The following UTRN variants were observed in gnomAD, a reference collection of about 807,000 sequenced individuals.
UTRN encodes the protein utrophin, also known as dystrophin-related protein 1.
In UTRN, 283 loss-of-function variants were observed where a neutral mutation model predicts 463.9. That is an observed-to-expected ratio of 0.61 (90% CI 0.55 to 0.67). The LOEUF (loss-of-function observed/expected upper bound fraction) is 0.67, where lower values mean the gene tolerates loss of function less well. UTRN is among the 30% of genes least tolerant of loss of function. UTRN has a pLI of 0.00. For missense variants in UTRN, 3,922 were observed against 4,084.3 expected (o/e 0.96, Z 1.08); for synonymous variants, 1,442 against 1,431.5 (o/e 1.01, Z -0.17).
At chr6:144,611,611 G>GCAA (rs139343881) in intron 51 of UTRN, among the ~76,000 whole-genome samples, 23,413 of 151,980 alleles carry the variant, frequency 0.15, 1,991 homozygotes, top group South Asian at 0.27. Flanking sequence ...ATTTACAGTA[G>GCAA]CAACAACAAC....
intron 53 of UTRN, among the ~76,000 whole-genome samples, chr6:144,711,997 G>A (rs1007195869): frequency 6.6e-6 from 1 of 152,126 alleles, no homozygotes; most frequent in African/African-American, 2.4e-5. Context: ...GCACACGTAG[G>A]TGTGGTAGAA....
At chr6:144,411,510 A>G (rs1388678624) in intron 3 of UTRN, among the ~76,000 whole-genome samples, 1 of 152,156 alleles carries the variant, frequency 6.6e-6, no homozygotes, top group East Asian at 1.9e-4. Context: ...TGAGCCCCAC[A>G]GTGGTTTCTT....
intron 2 of UTRN, among the ~76,000 whole-genome samples, chr6:144,343,359 A>G (rs1475123288): frequency 7.8e-6 from 1 of 128,936 alleles, no homozygotes; most frequent in Non-Finnish European, 1.6e-5. Context: ...TCCCGTCTCT[A>G]CTAAACACAC....
At chr6:144,380,396 A>C (rs1297613552) in intron 2 of UTRN, among the ~76,000 whole-genome samples, 1 of 152,338 alleles carries the variant, frequency 6.6e-6, no homozygotes, top group South Asian at 2.1e-4. Context: ...GGGTGGTTTA[A>C]GTTTCCTTCC....
intron 53 of UTRN, among the ~76,000 whole-genome samples, chr6:144,723,404 C>T (rs1562818743): frequency 6.6e-6 from 1 of 152,130 alleles, no homozygotes. Context: ...ATTCTGAGAG[C>T]ATTTCTCCCA....
At chr6:144,436,210 C>G (rs1786521446) in intron 10 of UTRN, 72 bp downstream of exon 10, 2 of 1,422,298 alleles carry the variant, frequency 1.4e-6, no homozygotes, top group South Asian at 2.6e-5. Context: ...ACTCTACTCT[C>G]CTATTTGTTA....
At chr6:144,384,572 T>A (rs1231391505) in intron 2 of UTRN, among the ~76,000 whole-genome samples, 1 of 151,878 alleles carries the variant, frequency 6.6e-6, no homozygotes, top group Non-Finnish European at 1.5e-5. Flanking sequence ...AAACAACAAC[T>A]CCTCACTCCT....
intron 51 of UTRN, among the ~76,000 whole-genome samples, chr6:144,664,772 A>G (rs1273204354): frequency 6.6e-6 from 1 of 151,852 alleles, no homozygotes; most frequent in Non-Finnish European, 1.5e-5. Flanking sequence ...ATAATTAATG[A>G]CAATTACTAT....
At chr6:144,383,018 A>C (rs1409248688) in intron 2 of UTRN, among the ~76,000 whole-genome samples, 1 of 152,130 alleles carries the variant, frequency 6.6e-6, no homozygotes, top group Non-Finnish European at 1.5e-5. Flanking sequence ...TGCAGCCTCG[A>C]ACTCTTGGGT....
intron 41 of UTRN, 148 bp from the exon 42 acceptor site, chr6:144,530,904 A>G (rs1796998145): frequency 2.4e-6 from 2 of 825,778 alleles, no homozygotes; most frequent in Non-Finnish European, 3.7e-6. Context: ...CCCACTACGA[A>G]AATTGGTTTT....
rs181960179 is a variant in UTRN, at chr6:144,567,703, A to G, written c.7290-9396A>G. The stretch of plus-strand genomic sequence containing the variant: ...TGTAAGTTTTCTACCTGCCACTCAA[A>G]CTACTGATGCTGCTGTTTTTCATTC... On this transcript the variant is annotated intron_variant, in intron 50 of 74. Transcript: ENST00000367545. 1.3e-4 allele frequency among the ~76,000 whole-genome samples: 20 copies of G among 152,288 alleles called. No individual in the cohort carries two copies. In the East Asian group the frequency reaches 3.5e-3, roughly 26 times the overall value.
chr6:144,431,101 T>G (rs1785793192), intron 9 of UTRN, among the ~76,000 whole-genome samples: 1 of 152,222 alleles, frequency 6.6e-6, no homozygotes, highest in African/African-American at 2.4e-5. Flanking sequence ...TATTCTACAT[T>G]AATGATGCAC....
intron 46 of UTRN, among the ~76,000 whole-genome samples, chr6:144,544,217 TCTC>T (rs1186869475): frequency 6.6e-6 from 1 of 152,202 alleles, no homozygotes; most frequent in African/African-American, 2.4e-5. Flanking sequence ...AGTATGTCTC[TCTC>T]CTCCTACGCA....
chr6:144,548,559 A>G, intron 46 of UTRN, 81 bp from the exon 47 acceptor site: 1 of 1,313,714 alleles, frequency 7.6e-7, no homozygotes, highest in Non-Finnish European at 1.0e-6. Context: ...ATTTAAATAC[A>G]CATACACGTG....
At chr6:144,514,513 C>T (rs965101784) in intron 36 of UTRN, 137 bp from the exon 37 acceptor site, 26 of 877,468 alleles carry the variant, frequency 3.0e-5, no homozygotes, top group Non-Finnish European at 3.3e-5. Flanking sequence ...ACAGCTCTCA[C>T]CTGGTTGATT....
intron 2 of UTRN, among the ~76,000 whole-genome samples, chr6:144,343,775 T>C (rs1777332401): frequency 6.6e-6 from 1 of 152,188 alleles, no homozygotes. Context: ...CTTTGAAGTA[T>C]AGTTAATATG....
intron 2 of UTRN, among the ~76,000 whole-genome samples, chr6:144,388,820 T>G (rs1781648605): frequency 2.0e-5 from 3 of 152,188 alleles, no homozygotes; most frequent in African/African-American, 7.2e-5. Context: ...TCCTTTTTAA[T>G]GCATGAAAAT....
intron 9 of UTRN, among the ~76,000 whole-genome samples, chr6:144,434,575 G>A (rs577576162): frequency 1.3e-5 from 2 of 152,180 alleles, no homozygotes; most frequent in African/African-American, 4.8e-5. Context: ...CCTAGGAGGC[G>A]CTGAAGTAGA....
intron 54 of UTRN, among the ~76,000 whole-genome samples, chr6:144,735,170 T>C (rs1463568234): frequency 6.6e-6 from 1 of 152,172 alleles, no homozygotes; most frequent in Non-Finnish European, 1.5e-5. Context: ...TGTAAAAGTG[T>C]CCGTAGTCAT....
Sources: allele counts gnomAD v4.1 joint callset (sites outside exome capture counted in the v4.1 genomes callset), GRCh38; gene constraint gnomAD v4.1.1; transcripts MANE v1.5; gene names NCBI Gene and HGNC (gene_info 2026-07-23, HGNC 2026-07-21).